Variants in FER observed in about 807,000 individuals in gnomAD.
The protein encoded by FER is tyrosine-protein kinase Fer.
In FER, 63 loss-of-function variants were observed where a neutral mutation model predicts 111.0. The observed-to-expected ratio is 0.57, with a 90% CI of 0.46 to 0.70. FER has a LOEUF of 0.70. FER is among the 30% of genes least tolerant of loss of function. FER has a pLI of 0.00. For missense variants in FER, 914 were observed against 954.0 expected, an observed-to-expected ratio of 0.96 and a Z score of 0.55; for synonymous variants, 327 against 313.9, an observed-to-expected ratio of 1.04 and a Z score of -0.44.
intron 13 of FER, among the ~76,000 whole-genome samples, chr5:109,036,143 T>C (rs980732378): frequency 3.9e-5 from 6 of 152,192 alleles, no homozygotes; most frequent in African/African-American, 1.4e-4. Flanking sequence ...AATAAATGTT[T>C]TCAATTTTGA....
At chr5:108,965,889 TTAGTATA>T (rs1451862816) in intron 13 of FER, among the ~76,000 whole-genome samples, 3 of 152,220 alleles carry the variant, frequency 2.0e-5, no homozygotes, top group Admixed American at 6.5e-5. Context: ...TAGTCACTAC[TTAGTATA>T]GTCTGCAAAG....
chr5:108,899,603 C>T (rs1749706484), intron 10 of FER, among the ~76,000 whole-genome samples: 1 of 151,660 alleles, frequency 6.6e-6, no homozygotes, highest in Non-Finnish European at 1.5e-5. Flanking sequence ...TCGAGACCAT[C>T]CTGGCCAACA....
At chr5:108,848,547 T>A (rs6881932) in intron 5 of FER, among the ~76,000 whole-genome samples, 34,126 of 151,998 alleles carry the variant, frequency 0.22, 4,022 homozygotes, top group African/African-American at 0.28. Context: ...TGCCACTTTG[T>A]ATATATACCA....
chr5:108,749,739 G>A (rs188473281), intron 1 of FER, among the ~76,000 whole-genome samples: 39 of 152,222 alleles, frequency 2.6e-4, no homozygotes, highest in African/African-American at 8.7e-4. Context: ...CTGCTCTGTG[G>A]TCTCTTTGCC....
rs185049404 is a variant in FER at position 108,962,239 on chromosome 5, A to G, written c.1656+2892A>G. 1.5e-3 allele frequency among the ~76,000 whole-genome samples: 222 copies of G among 152,316 alleles called. 1 individual carries two copies. The highest frequency in any genetic ancestry group is 3.0e-3 in the African/African-American group (124 of 41,574). ...CACTGCCTTCAGAGCTTGTGTAAAC[A>G]TATGGAAGATGGAAGAAATTTTTGT... On this transcript the variant is annotated intron_variant, in intron 13 of 19. Transcript: ENST00000281092.
intron 17 of FER, among the ~76,000 whole-genome samples, chr5:109,119,391 TG>T (rs1439156816): frequency 6.6e-6 from 1 of 152,238 alleles, no homozygotes; most frequent in African/African-American, 2.4e-5. Context: ...TTGTAATTTC[TG>T]TTCTTTTACA....
At chr5:109,152,638 G>A (rs530734421) in intron 17 of FER, among the ~76,000 whole-genome samples, 2 of 152,040 alleles carry the variant, frequency 1.3e-5, no homozygotes, top group South Asian at 2.1e-4. Flanking sequence ...AATCAGATAC[G>A]TACTGAATTG....
chr5:109,159,800 G>A (rs1755806515), intron 17 of FER, among the ~76,000 whole-genome samples: 2 of 152,186 alleles, frequency 1.3e-5, no homozygotes, highest in African/African-American at 4.8e-5. Context: ...AATAGTCGCA[G>A]CCCACCCTCC....
At position 108,800,208 on chromosome 5, in the gene FER, T is replaced by A. The variant is rs556417688; in HGVS notation, c.207+1819T>A. On this transcript the variant is annotated intron_variant, in intron 3 of 19. Transcript: ENST00000281092. ...GCTAATTAGTTACCACTTATCTGCTTTTCATTTTCTTACATTCTGTTGACA... is the reference window on the plus strand; with the variant it reads ...GCTAATTAGTTACCACTTATCTGCTATTCATTTTCTTACATTCTGTTGACA... Among the ~76,000 whole-genome samples, 13 of 152,316 alleles carry A rather than the reference T, an allele frequency of 8.5e-5. No individual in the cohort carries two copies. In the East Asian group the frequency reaches 2.5e-3, roughly 29 times the overall value.
Position 108,879,712 on chromosome 5 carries a change from A to G in FER, c.924-3684A>G. On this transcript the variant is annotated intron_variant, in intron 8 of 19. Transcript: ENST00000281092. Reference sequence around the variant, plus strand: ...TTAGATTAAAAAAAAATATATATATATATATATATATATTTGAGGCAAAGT... The same window carrying G: ...TTAGATTAAAAAAAAATATATATATGTATATATATATATTTGAGGCAAAGT... 1.4e-5 allele frequency among the ~76,000 whole-genome samples: 2 copies of G among 138,192 alleles called. 1 individual carries two copies. The highest frequency in any genetic ancestry group is 5.5e-5 in the African/African-American group (2 of 36,148). 90.7% of individuals were successfully genotyped at this position (138,192 alleles called of 152,430 possible).
At chr5:108,786,139 G>T (rs1015834939) in intron 2 of FER, among the ~76,000 whole-genome samples, 10 of 152,330 alleles carry the variant, frequency 6.6e-5, no homozygotes, top group Admixed American at 6.5e-4. Context: ...ACTTTTAAAA[G>T]AGTTCATTAA....
intron 10 of FER, among the ~76,000 whole-genome samples, chr5:108,931,412 A>T (rs1196813040): frequency 6.6e-6 from 1 of 152,156 alleles, no homozygotes; most frequent in African/African-American, 2.4e-5. Flanking sequence ...TGAACGAAGG[A>T]TTTCTGAAAT....
At chr5:109,117,447 A>T (rs1750386078) in intron 17 of FER, among the ~76,000 whole-genome samples, 1 of 152,130 alleles carries the variant, frequency 6.6e-6, no homozygotes, top group African/African-American at 2.4e-5. Context: ...AACTCATATC[A>T]TTCTTATGTA....
At chr5:108,813,862 G>A (rs144103898) in intron 3 of FER, among the ~76,000 whole-genome samples, 11 of 151,742 alleles carry the variant, frequency 7.2e-5, no homozygotes, top group African/African-American at 9.7e-5. Context: ...CCATTCCTTC[G>A]TCTTCTTGTA....
intron 13 of FER, among the ~76,000 whole-genome samples, chr5:108,961,688 G>T (rs1759171720): frequency 6.6e-6 from 1 of 152,060 alleles, no homozygotes; most frequent in Non-Finnish European, 1.5e-5. Flanking sequence ...CTGATTTAAA[G>T]GTTCATGTTG....
At chr5:108,790,867 A>T (rs574486132) in intron 2 of FER, among the ~76,000 whole-genome samples, 1 of 152,286 alleles carries the variant, frequency 6.6e-6, no homozygotes, top group East Asian at 1.9e-4. Context: ...AGATTTGCCC[A>T]TTTTGAGCAT....
chr5:108,975,849 A>G (rs577333979), intron 13 of FER, among the ~76,000 whole-genome samples: 1 of 152,294 alleles, frequency 6.6e-6, no homozygotes, highest in Admixed American at 6.5e-5. Flanking sequence ...GGTTTTAAGG[A>G]TTACCTTCAG....
At chr5:108,992,724 C>G (rs1442903354) in intron 13 of FER, among the ~76,000 whole-genome samples, 1 of 150,342 alleles carries the variant, frequency 6.7e-6, no homozygotes, top group African/African-American at 2.4e-5. Context: ...TGGGCGGAGA[C>G]GCTCCTCACT....
chr5:109,091,006 A>G (rs761737039), intron 16 of FER, among the ~76,000 whole-genome samples: 18 of 152,232 alleles, frequency 1.2e-4, no homozygotes, highest in Non-Finnish European at 2.1e-4. Context: ...TTTGTAATCA[A>G]AAGGGGAACA....
Sources: gnomAD v4.1 joint callset for allele counts (sites outside exome capture counted in the v4.1 genomes callset) on GRCh38, gnomAD v4.1.1 for gene constraint, MANE v1.5 for transcripts, NCBI Gene and HGNC (gene_info 2026-07-23, HGNC 2026-07-21) for gene names.